SPATA31A6: variants seen among roughly 807,000 people sequenced by gnomAD.
SPATA31A6 encodes the protein SPATA31 subfamily A member 6.
In SPATA31A6, 9 loss-of-function variants were observed where a neutral mutation model predicts 11.9. The observed-to-expected ratio is 0.76, with a 90% CI of 0.46 to 1.32. The LOEUF is 1.32. Ranked by LOEUF, SPATA31A6 falls within the 40% of genes most tolerant of loss-of-function variation. The pLI, the probability that SPATA31A6 is intolerant of heterozygous loss-of-function variation, is 0.00. For missense variants in SPATA31A6, 855 were observed against 1,467.3 expected (o/e 0.58, Z 6.82); for synonymous variants, 314 against 572.1 (o/e 0.55, Z 6.44).
Position 42,187,366 on chromosome 9 carries a change from C to A in SPATA31A6, c.1664C>A (p.Pro555His). The change falls in exon 4 of 4, where the codon CCC becomes CAC. Residue 555 changes from proline (P) to histidine (H), a missense_variant. By Grantham distance (77) the Pro-to-His change is moderately conservative. Coordinates refer to ENST00000332857, the MANE Select transcript of SPATA31A6 (RefSeq NM_001145196.1). Reference sequence around the variant, plus strand: ...CAACTAGAAGGTAGGTTGGCTTTACCCTCTAGGGTCCAAAAATCTCAGGAC... The same window carrying A: ...CAACTAGAAGGTAGGTTGGCTTTACACTCTAGGGTCCAAAAATCTCAGGAC... ...RKQLEGRLALPSRVQKSQDVF... is the reference protein window; with the variant it reads ...RKQLEGRLALHSRVQKSQDVF... The A allele has an allele frequency of 3.3e-6, 5 of 1,535,404 alleles. No individual in the cohort carries two copies. The highest frequency in any genetic ancestry group is 1.2e-5 in the South Asian group (1 of 85,996).
At position 42,184,439 on chromosome 9, in the gene SPATA31A6, C is replaced by CTGTGTGTGTGTGTG. The variant is rs71364261; in HGVS notation, c.189+593_190-587dup. On this transcript the variant is annotated intron_variant, in intron 1 of 3. Transcript: ENST00000332857. ...GGTGGACCTCATATTGAAAATCCCTCTGTGTGTGTGTGTGTGTGTGTGTGT... is the reference window on the plus strand; with the variant it reads ...GGTGGACCTCATATTGAAAATCCCTCTGTGTGTGTGTGTGTGTGTGTGTGTGTGTGTGTGTGTGT... Among the ~76,000 whole-genome samples the CTGTGTGTGTGTGTG allele has an allele frequency of 1.1e-3, 115 of 102,054 alleles. 1 individual carries two copies. Among genetic ancestry groups the CTGTGTGTGTGTGTG allele is most frequent in the Middle Eastern group, 4.7e-3 (1 of 214 alleles). 67.0% of individuals were successfully genotyped at this position (102,054 alleles called of 152,430 possible).
At position 42,189,073 on chromosome 9, in the gene SPATA31A6, T is replaced by G. The variant is rs1207735347; in HGVS notation, c.3371T>G (p.Leu1124Trp). The G allele has an allele frequency of 1.3e-6, 2 of 1,550,404 alleles. No individual in the cohort carries two copies. Among genetic ancestry groups the G allele is most frequent in the Admixed American group, 1.7e-5 (1 of 57,208 alleles). Reference protein sequence around the residue: ...LEKHEERLEGLRTPQLTPVRK... With the variant: ...LEKHEERLEGWRTPQLTPVRK... ...AAACATGAAGAAAGGCTTGAAGGAT[T>G]GAGGACTCCTCAACTTACCCCAGTC... The change falls in exon 4 of 4, where the codon TTG becomes TGG. Residue 1124 changes from leucine (L) to tryptophan (W), a missense_variant. Physicochemically the swap from Leu to Trp is moderately conservative, Grantham distance 61. Coordinates refer to ENST00000332857, the MANE Select transcript of SPATA31A6 (RefSeq NM_001145196.1).
At position 42,184,302 on chromosome 9, in the gene SPATA31A6, G is replaced by T. The variant is rs1337837678; in HGVS notation, c.189+426G>T. On this transcript the variant is annotated intron_variant, in intron 1 of 3. Coordinates refer to ENST00000332857, the MANE Select transcript of SPATA31A6 (RefSeq NM_001145196.1). ...CCCGAGGGCCTCCCACCAGGGCCTG[G>T]TGTCTCCTCTGGTCTTCTGGGAAGC... Among the ~76,000 whole-genome samples the T allele has an allele frequency of 2.3e-5, 3 of 130,006 alleles. 1 individual carries two copies. The highest frequency in any genetic ancestry group is 9.4e-5 in the African/African-American group (3 of 32,026). 85.3% of individuals were successfully genotyped at this position (130,006 alleles called of 152,430 possible).
chr9:42,184,835 G>T (rs1416894856), intron 1 of SPATA31A6, among the ~76,000 whole-genome samples: 1 of 137,536 alleles, frequency 7.3e-6, no homozygotes, highest in Non-Finnish European at 1.5e-5. Context: ...GCCCCCTCTT[G>T]CTGTTTTTCT....
rs1377031761 is a variant in SPATA31A6 at position 42,187,022 on chromosome 9, A to C, written c.1320A>C (p.Leu440Phe). The stretch of plus-strand genomic sequence containing the variant: ...GGGTAACTGACAGGTCTTATACTTT[A>C]CAGTCTCCTCCTTTCTTGTTCAATG... ...NAWVTDRSYTLQSPPFLFNEM... is the reference protein window; with the variant it reads ...NAWVTDRSYTFQSPPFLFNEM... Residue 440 changes from leucine to phenylalanine, a missense_variant, in exon 4 of 4, where the codon TTA becomes TTC. Physicochemically the swap from Leu to Phe is conservative, Grantham distance 22. Transcript: ENST00000332857. 10 of 1,547,158 alleles carry C rather than the reference A, an allele frequency of 6.5e-6. 2 individuals carry two copies. Among genetic ancestry groups the C allele is most frequent in the Non-Finnish European group, 8.8e-6 (10 of 1,141,860 alleles).
At chr9:42,184,769 C>T (rs1829414460) in intron 1 of SPATA31A6, among the ~76,000 whole-genome samples, 1 of 136,722 alleles carries the variant, frequency 7.3e-6, no homozygotes. Context: ...CTCAGGTGAT[C>T]AACCCACCTT....
In SPATA31A6 at chr9:42,189,377, CTCGAAGGTAAA is replaced by C. The variant is rs1371515214; in HGVS notation, c.3678_3688del (p.Lys1227AlafsTer65). 3 of 1,542,468 alleles carry C rather than the reference CTCGAAGGTAAA, an allele frequency of 1.9e-6. No homozygotes were observed. Among genetic ancestry groups the C allele is most frequent in the Non-Finnish European group, 2.6e-6 (3 of 1,138,464 alleles). Reference sequence around the variant, plus strand: ...TGTCACTTTGCCATGCGCACCATGCCTCGAAGGTAAATCAGCACAAACAGAAGTTTCAAGCC... The same window carrying C: ...TGTCACTTTGCCATGCGCACCATGCCTCAGCACAAACAGAAGTTTCAAGCC... On this transcript the variant is annotated frameshift_variant, in exon 4 of 4. Coordinates refer to ENST00000332857, the MANE Select transcript of SPATA31A6 (RefSeq NM_001145196.1). LOFTEE classifies it low-confidence loss of function (END_TRUNC).
Position 42,185,916 on chromosome 9 carries a change from G to A in SPATA31A6, c.309-95G>A, listed in dbSNP as rs555114403. 903 of 1,499,184 alleles carry A rather than the reference G, an allele frequency of 6.0e-4. 44 individuals are homozygous for A. The Middle Eastern group carries it at 7.7e-3, about 13-fold the overall frequency. 92.9% of individuals were successfully genotyped at this position (1,499,184 alleles called of 1,614,324 possible). A position where few individuals can be genotyped will look rare whatever the true frequency, so the allele number is the denominator to read the frequency against. On this transcript the variant is annotated intron_variant, in intron 3 of 3. Transcript: ENST00000332857. ...GTAGCAGGAGAATTGGGCAATCAGG[G>A]TGTGGGATGGTGGAGGGGCTGTGGC...
chr9:42,189,194 G>A lies in SPATA31A6; in HGVS notation c.3492G>A (p.Lys1164=). 2.6e-6 allele frequency: 4 copies of A among 1,542,738 alleles called. 1 individual carries two copies. Among genetic ancestry groups the A allele is most frequent in the East Asian group, 2.4e-5 (1 of 42,044 alleles). Residue 1164 remains lysine, a synonymous_variant, in exon 4 of 4, where the codon AAG becomes AAA. Transcript: ENST00000332857. ...PSVSHFGENI[K]QFFQWIFSKK... is the part of the protein sequence containing the mutation. ...TAAGCCACTTTGGAGAAAACATCAA[G>A]CAATTTTTTCAGTGGATTTTTTCAA...
At position 42,189,822 on chromosome 9, in the gene SPATA31A6, T is replaced by G; in HGVS notation, c.*88T>G. ...TTCACTCTATGTAGAGAAAAAATAT[T>G]TTCTCTCATGTTAGTAAATGCAGAA... On this transcript the variant is annotated 3_prime_UTR_variant, in exon 4 of 4. Transcript: ENST00000332857. 2 of 1,147,126 alleles carry G rather than the reference T, an allele frequency of 1.7e-6. No individual in the cohort carries two copies. Among genetic ancestry groups the G allele is most frequent in the South Asian group, 3.2e-5 (2 of 63,452 alleles). 71.1% of individuals were successfully genotyped at this position (1,147,126 alleles called of 1,614,324 possible).
Position 42,186,918 on chromosome 9 carries a change from G to A in SPATA31A6, c.1216G>A (p.Glu406Lys). Residue 406 changes from glutamate (E) to lysine (K), a missense_variant, in exon 4 of 4, where the codon GAA becomes AAA. Glu to Lys is a moderately conservative substitution (Grantham distance 56, BLOSUM62 1). Transcript: ENST00000332857. ...GTGCTCAGATCCTAGGCTCTTGCAG[G>A]AAAGTTTTTGGAAGAATTATAGCCA... Reference protein sequence around the residue: ...QKCSDPRLLQESFWKNYSQLF... With the variant: ...QKCSDPRLLQKSFWKNYSQLF... The A allele has an allele frequency of 1.9e-6, 3 of 1,540,492 alleles. 1 individual carries two copies. The highest frequency in any genetic ancestry group is 2.6e-6 in the Non-Finnish European group (3 of 1,142,488).
Position 42,183,792 on chromosome 9 carries a change from C to A in SPATA31A6, c.105C>A (p.Ala35=). 1 of 1,535,322 alleles carries A rather than the reference C, an allele frequency of 6.5e-7. No individual in the cohort carries two copies. The highest frequency in any genetic ancestry group is 8.8e-7 in the Non-Finnish European group (1 of 1,138,002). ...VLDIFLTLVF[A]LGFFFLLLPY... The stretch of plus-strand genomic sequence containing the variant: ...ATATCTTCCTCACCTTGGTGTTTGC[C>A]CTGGGGTTCTTCTTCCTATTACTCC... The change falls in exon 1 of 4, where the codon GCC becomes GCA. Residue 35 remains alanine (A), a synonymous_variant. Transcript: ENST00000332857.
rs1248922224 is a variant in SPATA31A6, at chr9:42,184,600, G to T, written c.190-469G>T. On this transcript the variant is annotated intron_variant, in intron 1 of 3. Coordinates refer to ENST00000332857, the MANE Select transcript of SPATA31A6 (RefSeq NM_001145196.1). Reference sequence around the variant, plus strand: ...GTTGCAGTGAAATGGAGTGATATAGGCTCACTGCAACCTCTGCTTCCCGAG... The same window carrying T: ...GTTGCAGTGAAATGGAGTGATATAGTCTCACTGCAACCTCTGCTTCCCGAG... Among the ~76,000 whole-genome samples, 10 of 135,010 alleles carry T rather than the reference G, an allele frequency of 7.4e-5. 2 individuals are homozygous for T. Among genetic ancestry groups the T allele is most frequent in the Middle Eastern group, 3.3e-3 (1 of 304 alleles). The allele number at this position is 135,010 out of a possible 152,430, so 88.6% of individuals were successfully genotyped here.
Position 42,186,717 on chromosome 9 carries a change from A to G in SPATA31A6, c.1015A>G (p.Asn339Asp), listed in dbSNP as rs770930819. 6.5e-7 allele frequency: 1 copy of G among 1,530,976 alleles called. No individual in the cohort carries two copies. The highest frequency in any genetic ancestry group is 8.8e-7 in the Non-Finnish European group (1 of 1,139,424). The allele number at this position is 1,530,976 out of a possible 1,614,324, so 94.8% of individuals were successfully genotyped here. Reference protein sequence around the residue: ...GIQVTETAKVNIWEEKENVGS... With the variant: ...GIQVTETAKVDIWEEKENVGS... ...ACAAGTCACAGAAACAGCCAAGGTC[A>G]ACATTTGGGAAGAAAAAGAAAATGT... Residue 339 changes from asparagine (N) to aspartate (D), a missense_variant, in exon 4 of 4, where the codon AAC becomes GAC. By Grantham distance (23) the Asn-to-Asp change is conservative. Transcript: ENST00000332857.
In SPATA31A6 at chr9:42,184,717, G is replaced by C. The variant is rs185494629; in HGVS notation, c.190-352G>C. 2.3e-3 allele frequency among the ~76,000 whole-genome samples: 311 copies of C among 134,506 alleles called. 44 individuals are homozygous for C. The highest frequency in any genetic ancestry group is 0.011 in the Middle Eastern group (3 of 280). The allele number at this position is 134,506 out of a possible 152,430, so 88.2% of individuals were successfully genotyped here. A position where few individuals can be genotyped will look rare whatever the true frequency, so the allele number is the denominator to read the frequency against. On this transcript the variant is annotated intron_variant, in intron 1 of 3. Transcript: ENST00000332857. ...GCCTAATTTTTGTATTTTTAGTAGA[G>C]ACGGGGTTTCACCATGGCCAGGCTG...
At position 42,186,799 on chromosome 9, in the gene SPATA31A6, T is replaced by C. The variant is rs1471122750; in HGVS notation, c.1097T>C (p.Leu366Ser). The C allele has an allele frequency of 6.5e-7, 1 of 1,533,590 alleles. No homozygotes were observed. The highest frequency in any genetic ancestry group is 1.1e-5 in the South Asian group (1 of 87,404). The allele number at this position is 1,533,590 out of a possible 1,614,324, so 95.0% of individuals were successfully genotyped here. The part of the protein sequence containing the change: ...PEKHLNSLGN[L>S]AKSLDAEQDT... ...AAGCACTTAAATTCTTTGGGGAATT[T>C]GGCTAAATCATTGGATGCTGAGCAG... The change falls in exon 4 of 4, where the codon TTG becomes TCG. Residue 366 changes from leucine to serine, a missense_variant. Transcript: ENST00000332857.
In SPATA31A6 at chr9:42,189,345, A is replaced by C. The variant is rs2605683; in HGVS notation, c.3643A>C (p.Lys1215Gln). ...GACGGCAGTTGGACAAATGCTGGAC[A>C]AGAAAATGTCACTTTGCCATGCGCA... is the stretch of plus-strand genomic sequence containing the variant. ...LMTAVGQMLD[K>Q]KMSLCHAHHA... The change falls in exon 4 of 4, where the codon AAG (lysine) becomes CAG (glutamine). Residue 1215 changes from lysine to glutamine, a missense_variant. By Grantham distance (53) the Lys-to-Gln change is moderately conservative. Transcript: ENST00000332857. 15 of 1,540,224 alleles carry C rather than the reference A, an allele frequency of 9.7e-6. 4 individuals carry two copies. The highest frequency in any genetic ancestry group is 1.3e-5 in the Non-Finnish European group (15 of 1,136,780).
rs776747758 is a variant in SPATA31A6 at position 42,185,694 on chromosome 9, G to C, written c.248-1G>C. The C allele has an allele frequency of 8.8e-5, 128 of 1,458,094 alleles. 14 individuals carry two copies. Among genetic ancestry groups the C allele is most frequent in the Admixed American group, 2.8e-4 (15 of 54,362 alleles). 90.3% of individuals were successfully genotyped at this position (1,458,094 alleles called of 1,614,324 possible). A position where few individuals can be genotyped will look rare whatever the true frequency, so the allele number is the denominator to read the frequency against. ...CCCTAACCCAGTCTCCTGATTTCCAGCTGGTAGAGAGTGCCCGAGAGGCCT... is the reference window on the plus strand; with the variant it reads ...CCCTAACCCAGTCTCCTGATTTCCACCTGGTAGAGAGTGCCCGAGAGGCCT... On this transcript the variant is annotated splice_acceptor_variant, in intron 2 of 3. Coordinates refer to ENST00000332857, the MANE Select transcript of SPATA31A6 (RefSeq NM_001145196.1). LOFTEE classifies it high-confidence loss of function.
chr9:42,185,460 G>A lies in SPATA31A6; in HGVS notation c.248-235G>A, dbSNP rs1374473752. The A allele has an allele frequency of 4.0e-5, 28 of 696,150 alleles. 2 individuals carry two copies. 43.1% of individuals were successfully genotyped at this position (696,150 alleles called of 1,614,324 possible). ...ACCACCTCAGTCCTTTCTCCCCACA[G>A]GGCAGTTGTGAGGACTGTGGGGGTG... On this transcript the variant is annotated intron_variant, in intron 2 of 3. Transcript: ENST00000332857.
Sources: gnomAD v4.1 joint callset for allele counts (sites outside exome capture counted in the v4.1 genomes callset) on GRCh38, gnomAD v4.1.1 for gene constraint, MANE v1.5 for transcripts, NCBI Gene and HGNC (gene_info 2026-07-23, HGNC 2026-07-21) for gene names.